The following PARP4 variants were observed in gnomAD, a reference collection of about 807,000 sequenced individuals.
PARP4 encodes the protein poly(ADP-ribose) polymerase family member 4.
In PARP4, 120 loss-of-function variants were observed where a neutral mutation model predicts 187.7. That is an observed-to-expected ratio of 0.64 (90% confidence interval 0.55 to 0.74). The LOEUF is 0.74. PARP4 is among the 30% of genes least tolerant of loss of function. PARP4 has a pLI of 0.00. For missense variants in PARP4, 1,836 were observed against 2,070.5 expected (o/e 0.89, Z 2.20); for synonymous variants, 654 against 740.9 (o/e 0.88, Z 1.90).
At chr13:24,458,943 T>C (rs1337449163) in intron 20 of PARP4, 101 bp downstream of exon 20, 5 of 803,944 alleles carry the variant, frequency 6.2e-6, no homozygotes, top group East Asian at 2.6e-5. Context: ...TTAGAAGTTT[T>C]GTCAGCATTA....
At chr13:24,423,016 TCTTTA>T (rs1298119061) in intron 33 of PARP4, among the ~76,000 whole-genome samples, 23 of 152,294 alleles carry the variant, frequency 1.5e-4, no homozygotes, top group South Asian at 6.2e-4. Context: ...ATTTTGAAAA[TCTTTA>T]CTTTATGATA....
intron 17 of PARP4, among the ~76,000 whole-genome samples, chr13:24,462,647 G>C (rs141303529): frequency 3.9e-4 from 60 of 152,276 alleles, no homozygotes; most frequent in African/African-American, 1.4e-3. Context: ...TATATGAAAA[G>C]ACATACAGAA....
In PARP4 at chr13:24,490,792, A is replaced by T. The variant is rs1474907623; in HGVS notation, c.1090T>A (p.Leu364Met). The change falls in exon 10 of 34, where the codon TTG (leucine) becomes ATG (methionine). Residue 364 changes from leucine to methionine, a missense_variant. Coordinates refer to ENST00000381989, the MANE Select transcript of PARP4 (RefSeq NM_006437.4). ...RDMVNVCETN[L>M]SKPNPPSLAK... ...AGGGATGGTGGGTTGGGTTTGGACA[A>T]ATTAGTTTCACAGACATTAACCATG... 2 of 1,614,036 alleles carry T rather than the reference A, an allele frequency of 1.2e-6. No homozygotes were observed. The highest frequency in any genetic ancestry group is 2.7e-5 in the African/African-American group (2 of 74,934).
chr13:24,422,299 A>G (rs1428950391), intron 33 of PARP4, among the ~76,000 whole-genome samples: 2 of 152,198 alleles, frequency 1.3e-5, no homozygotes, highest in African/African-American at 4.8e-5. Flanking sequence ...GCACTCAATA[A>G]ATGTTCGCTG....
intron 30 of PARP4, among the ~76,000 whole-genome samples, chr13:24,438,355 C>A (rs984335114): frequency 6.6e-6 from 1 of 152,128 alleles, no homozygotes; most frequent in East Asian, 1.9e-4. Context: ...CGAGCTCAGG[C>A]GGTAATGCTC....
chr13:24,507,662 G>A (rs763707665), intron 1 of PARP4, among the ~76,000 whole-genome samples: 6 of 152,178 alleles, frequency 3.9e-5, no homozygotes, highest in Non-Finnish European at 7.3e-5. Flanking sequence ...CTCCTGTTGC[G>A]CCTGTGTTCA....
intron 1 of PARP4, among the ~76,000 whole-genome samples, chr13:24,509,302 T>C (rs1869871865): frequency 6.6e-6 from 1 of 151,588 alleles, no homozygotes; most frequent in Admixed American, 6.6e-5. Context: ...AGCCCAGGAG[T>C]TTGAGAGCAG....
chr13:24,507,153 C>T (rs980136646), intron 1 of PARP4, among the ~76,000 whole-genome samples: 1 of 152,222 alleles, frequency 6.6e-6, no homozygotes, highest in African/African-American at 2.4e-5. Context: ...GGCCCGCAAG[C>T]GCCGCGCACA....
chr13:24,425,300 C>CAATA (rs927799120), intron 33 of PARP4, among the ~76,000 whole-genome samples: 6 of 151,954 alleles, frequency 3.9e-5, no homozygotes, highest in East Asian at 1.9e-4. Flanking sequence ...GACTTTGTCT[C>CAATA]AATAAATAAA....
intron 31 of PARP4, among the ~76,000 whole-genome samples, chr13:24,432,506 C>G (rs1175061626): frequency 6.6e-6 from 1 of 152,164 alleles, no homozygotes; most frequent in Non-Finnish European, 1.5e-5. Context: ...AGCCACCACT[C>G]CCAGAACTTT....
At position 24,459,384 on chromosome 13, in the gene PARP4, C is replaced by T. The variant is rs80153176; in HGVS notation, c.2299-74G>A. ...ACAATGAGACTAAAGTGAATGTAAT[C>T]TTGGCAAGGCCACAACTGTCAGCAA... On this transcript the variant is annotated intron_variant, in intron 18 of 33. Coordinates refer to ENST00000381989, the MANE Select transcript of PARP4 (RefSeq NM_006437.4). 1,139 of 1,338,000 alleles carry T rather than the reference C, an allele frequency of 8.5e-4. 14 individuals carry two copies. In the African/African-American group the frequency reaches 0.013, roughly 15 times the overall value. 82.9% of individuals were successfully genotyped at this position (1,338,000 alleles called of 1,614,324 possible).
chr13:24,470,201 T>C (rs1217332012), intron 15 of PARP4, among the ~76,000 whole-genome samples, 176 bp from the exon 16 acceptor site: 2 of 152,212 alleles, frequency 1.3e-5, no homozygotes, highest in Non-Finnish European at 2.9e-5. Context: ...TGTCATGTGA[T>C]AAAATGCACC....
At chr13:24,480,688 A>G (rs1347207990) in intron 12 of PARP4, among the ~76,000 whole-genome samples, 2 of 152,258 alleles carry the variant, frequency 1.3e-5, no homozygotes, top group Non-Finnish European at 2.9e-5. Context: ...CCTAATCCAG[A>G]GCAAGGCCCC....
At chr13:24,505,176 G>A (rs1024991823) in intron 1 of PARP4, among the ~76,000 whole-genome samples, 1 of 152,120 alleles carries the variant, frequency 6.6e-6, no homozygotes, top group Non-Finnish European at 1.5e-5. Context: ...GAAAGAGAGA[G>A]GAGACAGAGC....
chr13:24,473,881 T>C (rs1215308286), intron 15 of PARP4, among the ~76,000 whole-genome samples: 1 of 152,182 alleles, frequency 6.6e-6, no homozygotes, highest in Non-Finnish European at 1.5e-5. Context: ...TCCTGGTCTC[T>C]GTGGCTGACT....
chr13:24,452,276 G>A, intron 24 of PARP4, 130 bp downstream of exon 24: 2 of 703,680 alleles, frequency 2.8e-6, no homozygotes, highest in Non-Finnish European at 4.7e-6. Context: ...GGAGCCCGGA[G>A]CCCCATCCCT....
At chr13:24,457,770 C>CAAAAA (rs33930012) in intron 20 of PARP4, among the ~76,000 whole-genome samples, 19 of 85,658 alleles carry the variant, frequency 2.2e-4, no homozygotes, top group African/African-American at 9.5e-4. Context: ...GACTCTGTCT[C>CAAAAA]AAAAAAAAAA....
At chr13:24,439,879 C>A (rs1174501457) in intron 30 of PARP4, among the ~76,000 whole-genome samples, 1 of 152,154 alleles carries the variant, frequency 6.6e-6, no homozygotes, top group Non-Finnish European at 1.5e-5. Flanking sequence ...CTTCAAGCAG[C>A]CCTGAGTCCC....
chr13:24,457,397 A>G (rs1283514065), intron 20 of PARP4, among the ~76,000 whole-genome samples: 1 of 152,146 alleles, frequency 6.6e-6, no homozygotes, highest in Non-Finnish European at 1.5e-5. Flanking sequence ...TGCTGTGGCC[A>G]ATGATATGTT....
Sources: gnomAD v4.1 joint callset for allele counts (sites outside exome capture counted in the v4.1 genomes callset) on GRCh38, gnomAD v4.1.1 for gene constraint, MANE v1.5 for transcripts, NCBI Gene and HGNC (gene_info 2026-07-23, HGNC 2026-07-21) for gene names.